Variants in C7 observed in about 807,000 individuals in gnomAD.
C7 encodes complement component C7.
A neutral mutation model predicts 104.8 loss-of-function variants in C7; 83 were observed. The ratio of observed to expected loss-of-function variants is 0.79; its 90% CI spans 0.66 to 0.95. The LOEUF is 0.95. C7 is among the 40% of genes least tolerant of loss of function. The probability of loss-of-function intolerance (pLI) is 0.00; values close to 1 mark genes in which losing one functional copy is unlikely to be tolerated. For missense variants in C7, 1,070 were observed against 1,011.2 expected (o/e 1.06, Z -0.79); for synonymous variants, 415 against 360.6 (o/e 1.15, Z -1.71).
At chr5:40,931,588 A>T (rs1370612109) in intron 3 of C7, among the ~76,000 whole-genome samples, 1 of 104,460 alleles carries the variant, frequency 9.6e-6, no homozygotes, top group Non-Finnish European at 2.3e-5. Flanking sequence ...CATGAAAAAA[A>T]TTTTGCAAAA....
At chr5:40,953,799 C>T (rs1322884683) in intron 9 of C7, among the ~76,000 whole-genome samples, 2 of 45,844 alleles carry the variant, frequency 4.4e-5, no homozygotes, top group Non-Finnish European at 6.8e-5. Context: ...TCCTAAATAT[C>T]CTGATTTGAT....
intron 14 of C7, among the ~76,000 whole-genome samples, chr5:40,968,212 G>A (rs1047499434): frequency 1.7e-4 from 26 of 151,272 alleles, no homozygotes; most frequent in African/African-American, 5.8e-4. Context: ...TGCAACCTCC[G>A]CTTCCCAGGT....
chr5:40,928,416 A>C (rs1739604320), intron 1 of C7, among the ~76,000 whole-genome samples, 164 bp from the exon 2 acceptor site: 1 of 152,218 alleles, frequency 6.6e-6, no homozygotes, highest in Non-Finnish European at 1.5e-5. Flanking sequence ...TAAATATTTT[A>C]GGTGATAGAT....
chr5:40,923,930 A>AGTT (rs111504711), intron 1 of C7, among the ~76,000 whole-genome samples: 34,394 of 151,872 alleles, frequency 0.23, 4,077 homozygotes, highest in East Asian at 0.31. Flanking sequence ...ATGAGATTTG[A>AGTT]AAGGGACATC....
chr5:40,981,505 G>A lies in C7; in HGVS notation c.2464G>A (p.Ala822Thr), dbSNP rs780107037. 2.5e-5 allele frequency: 41 copies of A among 1,613,602 alleles called. No individual in the cohort carries two copies. Among genetic ancestry groups the A allele is most frequent in the Middle Eastern group, 3.3e-4 (2 of 6,080 alleles). Reference protein sequence around the residue: ...EQTMSECEAGALRCRGQSISV... With the variant: ...EQTMSECEAGTLRCRGQSISV... Reference sequence around the variant, plus strand: ...GACGATGTCTGAGTGTGAGGCGGGCGCTCTGAGATGCAGAGGGCAGAGCAT... The same window carrying A: ...GACGATGTCTGAGTGTGAGGCGGGCACTCTGAGATGCAGAGGGCAGAGCAT... The change falls in exon 18 of 18, where the codon GCT (alanine) becomes ACT (threonine). Residue 822 changes from alanine to threonine, a missense_variant. Physicochemically the swap from Ala to Thr is moderately conservative, Grantham distance 58. Transcript: ENST00000313164.
At chr5:40,959,001 T>C (rs1194835352) in intron 11 of C7, among the ~76,000 whole-genome samples, 17 of 152,126 alleles carry the variant, frequency 1.1e-4, no homozygotes, top group Non-Finnish European at 5.9e-5. Flanking sequence ...CCTAAATGTC[T>C]CTCCAAGTGG....
At chr5:40,932,765 GAGAT>G (rs1431206944) in intron 3 of C7, among the ~76,000 whole-genome samples, 1 of 151,956 alleles carries the variant, frequency 6.6e-6, no homozygotes, top group Admixed American at 6.6e-5. Flanking sequence ...TAGAAGCAGA[GAGAT>G]AGAGGGTGTT....
chr5:40,952,967 C>T (rs1417006152), intron 9 of C7, among the ~76,000 whole-genome samples: 1 of 151,948 alleles, frequency 6.6e-6, no homozygotes, highest in African/African-American at 2.4e-5. Flanking sequence ...CTGGGGGATT[C>T]TCTTAAAATG....
intron 6 of C7, among the ~76,000 whole-genome samples, chr5:40,939,106 T>C (rs1237865065): frequency 1.3e-5 from 2 of 152,164 alleles, no homozygotes; most frequent in Non-Finnish European, 2.9e-5. Flanking sequence ...AAACCCAAAC[T>C]ACTGAAATGT....
At position 40,921,126 on chromosome 5, in the gene C7, C is replaced by A. The variant is rs144050988; in HGVS notation, c.7-7454C>A. ...ATTAATTCAGTAAATTTGCAGGCTA[C>A]CAAATTAACATGCAAAAATCAGCAG... is the stretch of plus-strand genomic sequence containing the variant. On this transcript the variant is annotated intron_variant, in intron 1 of 17. Coordinates refer to ENST00000313164, the MANE Select transcript of C7 (RefSeq NM_000587.4). Among the ~76,000 whole-genome samples the A allele has an allele frequency of 9.0e-3, 1,360 of 151,564 alleles. 14 individuals carry two copies. Among genetic ancestry groups the A allele is most frequent in the African/African-American group, 0.031 (1,272 of 41,320 alleles).
chr5:40,939,834 A>G (rs1229750617), intron 6 of C7, among the ~76,000 whole-genome samples: 1 of 152,244 alleles, frequency 6.6e-6, no homozygotes, highest in Non-Finnish European at 1.5e-5. Context: ...GGGATAATTT[A>G]TTAACAACGT....
At chr5:40,965,429 T>C (rs934486322) in intron 14 of C7, among the ~76,000 whole-genome samples, 1 of 152,100 alleles carries the variant, frequency 6.6e-6, no homozygotes, top group Non-Finnish European at 1.5e-5. Context: ...ATTTCTCCCT[T>C]TGGGAATATA....
chr5:40,949,862 A>C, intron 8 of C7, 42 bp from the exon 9 acceptor site: 1 of 1,200,992 alleles, frequency 8.3e-7, no homozygotes, highest in Non-Finnish European at 1.2e-6. Flanking sequence ...TCTTCAAGGA[A>C]TGCAGAAATT....
At chr5:40,972,009 C>T (rs10805655) in intron 14 of C7, 445,659 of 448,966 alleles carry the variant, frequency 0.99, 221,252 homozygotes, top group East Asian at 1. Flanking sequence ...TAATTTCAGA[C>T]GGCAAAATAT....
At chr5:40,962,538 TC>T (rs1481208097) in intron 13 of C7, among the ~76,000 whole-genome samples, 4 of 152,058 alleles carry the variant, frequency 2.6e-5, no homozygotes, top group Non-Finnish European at 5.9e-5. Flanking sequence ...CTTTTTTTTT[TC>T]CCCCTCATAA....
At chr5:40,921,506 A>C (rs1370296633) in intron 1 of C7, among the ~76,000 whole-genome samples, 1 of 152,156 alleles carries the variant, frequency 6.6e-6, no homozygotes, top group Non-Finnish European at 1.5e-5. Flanking sequence ...AGAAATTCTG[A>C]ATAATAACAG....
chr5:40,961,727 G>T (rs981826227), intron 12 of C7, among the ~76,000 whole-genome samples: 2 of 152,144 alleles, frequency 1.3e-5, no homozygotes, highest in Admixed American at 1.3e-4. Flanking sequence ...TGTATTAAAT[G>T]AATTTCAGAA....
chr5:40,944,344 G>A (rs1479930744), intron 6 of C7, among the ~76,000 whole-genome samples: 3 of 152,114 alleles, frequency 2.0e-5, no homozygotes, highest in Admixed American at 6.6e-5. Context: ...TTTACATGAA[G>A]AGTCAAATTT....
At chr5:40,977,444 A>C (rs1024425969) in intron 16 of C7, among the ~76,000 whole-genome samples, 2 of 152,236 alleles carry the variant, frequency 1.3e-5, no homozygotes, top group Admixed American at 1.3e-4. Flanking sequence ...TACAAGTCCC[A>C]TGGCAGTATT....
Sources: allele counts gnomAD v4.1 joint callset (sites outside exome capture counted in the v4.1 genomes callset), GRCh38; gene constraint gnomAD v4.1.1; transcripts MANE v1.5; gene names NCBI Gene and HGNC (gene_info 2026-07-23, HGNC 2026-07-21).